The following TGIF1 variants were observed in gnomAD, a reference collection of about 807,000 sequenced individuals.
TGIF1 encodes the protein TGFB induced factor homeobox 1, also known as homeobox protein TGIF1.
TGIF1 carries 4 observed loss-of-function variants against 19.3 expected under a neutral mutation model. The ratio of observed to expected loss-of-function variants is 0.21; its 90% CI spans 0.10 to 0.47. The LOEUF is 0.47. TGIF1 is among the 20% of genes least tolerant of loss of function. TGIF1 has a pLI of 0.98. For missense variants in TGIF1, 275 were observed against 341.4 expected (o/e 0.81, Z 1.53); for synonymous variants, 122 against 129.3 (o/e 0.94, Z 0.38).
At chr18:3,444,065 G>A (rs1161716819) in intron 2 of TGIF1, among the ~76,000 whole-genome samples, 1 of 151,464 alleles carries the variant, frequency 6.6e-6, no homozygotes, top group Non-Finnish European at 1.5e-5. Context: ...CTACCGAGCA[G>A]CTGGGACTAC....
intron 1 of TGIF1, among the ~76,000 whole-genome samples, chr18:3,414,003 A>G (rs2082301139): frequency 6.6e-6 from 1 of 151,932 alleles, no homozygotes; most frequent in Non-Finnish European, 1.5e-5. Context: ...TGTAGATGAA[A>G]AAACAAACCC....
chr18:3,436,115 T>C (rs1410440132), intron 2 of TGIF1, among the ~76,000 whole-genome samples: 1 of 152,254 alleles, frequency 6.6e-6, no homozygotes. Context: ...CTTTGTTTAC[T>C]TATTTTCACA....
intron 2 of TGIF1, among the ~76,000 whole-genome samples, chr18:3,437,725 A>T (rs186803615): frequency 6.6e-6 from 1 of 152,350 alleles, no homozygotes; most frequent in African/African-American, 2.4e-5. Flanking sequence ...TGATGACAGA[A>T]GTCAAAGCAC....
chr18:3,436,647 C>G (rs555370490), intron 2 of TGIF1, among the ~76,000 whole-genome samples: 1 of 151,482 alleles, frequency 6.6e-6, no homozygotes, highest in South Asian at 2.1e-4. Context: ...GGTGAAAGCC[C>G]GTCTCTACTA....
intron 1 of TGIF1, among the ~76,000 whole-genome samples, chr18:3,414,063 T>A (rs1471267740): frequency 6.6e-6 from 1 of 152,244 alleles, no homozygotes; most frequent in African/African-American, 2.4e-5. Flanking sequence ...TACTAAGCAC[T>A]AATTAATTCT....
chr18:3,449,538 T>TTGCGCC, upstream of TGIF1: 1 of 961,948 alleles, frequency 1.0e-6, no homozygotes, highest in Non-Finnish European at 1.2e-6. Context: ...GTCTCATCAT[T>TTGCGCC]CCCCCCCGCC....
chr18:3,449,671 C>G (rs1354979901), upstream of TGIF1: 5 of 985,232 alleles, frequency 5.1e-6, no homozygotes, highest in African/African-American at 7.0e-5. Context: ...GTTCTTGTCT[C>G]GAATACTTTT....
In TGIF1 at chr18:3,458,628, TA is replaced by T. The variant is rs1384068550; in HGVS notation, c.*691del. ...CATAGCAGGCCCTTAGAGCTTTACT[TA>T]AACTGCATGGCAAATTGAAATGAAT... On this transcript the variant is annotated 3_prime_UTR_variant, in exon 3 of 3. Coordinates refer to ENST00000343820, the MANE Select transcript of TGIF1 (RefSeq NM_003244.4). 2 of 153,282 alleles carry T rather than the reference TA, an allele frequency of 1.3e-5. No individual in the cohort carries two copies. Among genetic ancestry groups the T allele is most frequent in the Non-Finnish European group, 2.9e-5 (2 of 68,926 alleles). 9.5% of individuals were successfully genotyped at this position (153,282 alleles called of 1,614,324 possible).
In TGIF1 at chr18:3,451,083, G is replaced by A. The variant is rs1474709727; in HGVS notation, c.16+578G>A. Reference sequence around the variant, plus strand: ...ATTCTGGACCCCCTCATCGCCCTCGGGTGTAAACAGCTTTGGAAAGCTAGA... The same window carrying A: ...ATTCTGGACCCCCTCATCGCCCTCGAGTGTAAACAGCTTTGGAAAGCTAGA... On this transcript the variant is annotated intron_variant, in intron 1 of 2. Transcript: ENST00000343820. This position sits in a 1 kb window ranked among gnomAD's most constrained non-coding sequence, Gnocchi z 5.4. Among the ~76,000 whole-genome samples the A allele has an allele frequency of 1.3e-5, 2 of 151,788 alleles. No homozygotes were observed. Among genetic ancestry groups the A allele is most frequent in the African/African-American group, 4.8e-5 (2 of 41,294 alleles).
intron 2 of TGIF1, among the ~76,000 whole-genome samples, chr18:3,434,788 C>G (rs1168956332): frequency 1.3e-5 from 2 of 152,120 alleles, no homozygotes; most frequent in African/African-American, 4.8e-5. Flanking sequence ...TAGACAACAT[C>G]GAAGACTTCA....
At chr18:3,413,400 T>A (rs562155912) in intron 1 of TGIF1, among the ~76,000 whole-genome samples, 16 of 152,212 alleles carry the variant, frequency 1.1e-4, no homozygotes, top group South Asian at 2.1e-4. Context: ...CACCCCAAAA[T>A]CAGGTTGAGA....
chr18:3,431,311 G>A (rs905412557), intron 2 of TGIF1, among the ~76,000 whole-genome samples: 8 of 152,308 alleles, frequency 5.3e-5, no homozygotes, highest in African/African-American at 1.9e-4. Flanking sequence ...GTCGGGTGTA[G>A]TGGTGGGTGC....
At position 3,451,748 on chromosome 18, in the gene TGIF1, A is replaced by G; in HGVS notation, c.16+1243A>G. On this transcript the variant is annotated intron_variant, in intron 1 of 2. Transcript: ENST00000343820. The surrounding 1 kb of genome is among the most constrained non-coding windows in gnomAD (Gnocchi z 5.4). ...CCAGCGAGAGTGAAATTAAACTTGA[A>G]ACTCGGATCAACTGGCAGTCGTTGT... is the stretch of plus-strand genomic sequence containing the variant. 10 of 1,246,466 alleles carry G rather than the reference A, an allele frequency of 8.0e-6. No individual in the cohort carries two copies. The highest frequency in any genetic ancestry group is 3.7e-5 in the South Asian group (1 of 26,920). The allele number at this position is 1,246,466 out of a possible 1,614,324, so 77.2% of individuals were successfully genotyped here.
upstream of TGIF1, among the ~76,000 whole-genome samples, chr18:3,446,065 C>A (rs971396577): frequency 3.3e-5 from 5 of 152,090 alleles, no homozygotes. Flanking sequence ...TAACTAACAT[C>A]ACTAGTTTGG....
intron 2 of TGIF1, among the ~76,000 whole-genome samples, chr18:3,430,200 A>G (rs940291038): frequency 1.3e-5 from 2 of 152,180 alleles, no homozygotes; most frequent in Non-Finnish European, 2.9e-5. Flanking sequence ...TTCCAACTAC[A>G]TATCTGTTTG....
intron 1 of TGIF1, among the ~76,000 whole-genome samples, chr18:3,417,644 G>A (rs575865997): frequency 6.6e-5 from 10 of 151,780 alleles, no homozygotes; most frequent in South Asian, 2.1e-4. Context: ...CTACCTATTC[G>A]TGTATATATC....
upstream of TGIF1, among the ~76,000 whole-genome samples, chr18:3,446,261 G>A (rs534302962): frequency 6.6e-6 from 1 of 152,270 alleles, no homozygotes; most frequent in East Asian, 1.9e-4. Context: ...TCAGCTTTCT[G>A]CAACCTCTGT....
At chr18:3,424,996 C>T (rs1315780757) in intron 2 of TGIF1, among the ~76,000 whole-genome samples, 1 of 152,200 alleles carries the variant, frequency 6.6e-6, no homozygotes, top group Non-Finnish European at 1.5e-5. Flanking sequence ...GCAAATTAAT[C>T]AAACCTGTGG....
chr18:3,448,715 G>GTTTTTTTTTTTTTTTTTTT (rs2082800740), upstream of TGIF1: 1 of 429,364 alleles, frequency 2.3e-6, no homozygotes, highest in African/African-American at 4.5e-5. Context: ...GGGCGGGGGT[G>GTTTTTTTTTTTTTTTTTTT]TCTTTTTTTT....
Sources: allele counts gnomAD v4.1 joint callset (sites outside exome capture counted in the v4.1 genomes callset), GRCh38; gene constraint gnomAD v4.1.1; non-coding constraint Gnocchi (gnomAD v3.1); transcripts MANE v1.5; gene names NCBI Gene and HGNC (gene_info 2026-07-23, HGNC 2026-07-21).